GGNBP2: variants seen among roughly 807,000 people sequenced by gnomAD.
The protein encoded by GGNBP2 is gametogenetin binding protein 2, also known as gametogenetin-binding protein 2.
In GGNBP2, 10 loss-of-function variants were observed where a neutral mutation model predicts 85.9. That is an observed-to-expected ratio of 0.12 (90% CI 0.07 to 0.20). GGNBP2 has a LOEUF of 0.20. GGNBP2 is among the 10% of genes least tolerant of loss of function. The pLI, the probability that GGNBP2 is intolerant of heterozygous loss-of-function variation, is 1.00. For missense variants in GGNBP2, 595 were observed against 857.8 expected (o/e 0.69, Z 3.83); for synonymous variants, 287 against 285.7 (o/e 1.00, Z -0.05).
At chr17:36,578,857 A>G (rs2074617225) in intron 7 of GGNBP2, 1 of 162,610 alleles carries the variant, frequency 6.1e-6, no homozygotes, top group Non-Finnish European at 1.3e-5. Context: ...TCACTTTGGC[A>G]TTGCCTTTCT....
intron 6 of GGNBP2, among the ~76,000 whole-genome samples, chr17:36,568,994 C>T (rs1339852918): frequency 1.3e-5 from 2 of 152,044 alleles, no homozygotes; most frequent in African/African-American, 4.8e-5. Flanking sequence ...GACTTGTGAT[C>T]CGCTCTCCTC....
chr17:36,554,647 A>C (rs1008702703), intron 2 of GGNBP2, among the ~76,000 whole-genome samples, 173 bp from the exon 3 acceptor site: 3 of 151,824 alleles, frequency 2.0e-5, no homozygotes, highest in Non-Finnish European at 4.4e-5. Context: ...AAGTGCTGGG[A>C]TTATAGGTGT....
intron 6 of GGNBP2, among the ~76,000 whole-genome samples, chr17:36,573,434 A>G (rs2142753566): frequency 6.6e-6 from 1 of 152,302 alleles, no homozygotes; most frequent in South Asian, 2.1e-4. Context: ...ACATTGATGG[A>G]CATTGAAGGT....
intron 4 of GGNBP2, among the ~76,000 whole-genome samples, chr17:36,557,568 A>G (rs772913272): frequency 7.9e-5 from 12 of 152,140 alleles, no homozygotes; most frequent in Non-Finnish European, 1.5e-4. Flanking sequence ...TAAGGGAGGT[A>G]GAGAATGGAG....
chr17:36,574,587 T>G, intron 6 of GGNBP2: 1 of 535,902 alleles, frequency 1.9e-6, no homozygotes, highest in Non-Finnish European at 3.2e-6. Context: ...AGGTCGGGGG[T>G]CAGGTAGCTG....
intron 4 of GGNBP2, 79 bp downstream of exon 4, chr17:36,557,415 A>T (rs1366622610): frequency 1.7e-6 from 2 of 1,197,924 alleles, no homozygotes; most frequent in Non-Finnish European, 2.4e-6. Flanking sequence ...TATTTTCTTG[A>T]TGGAAAGATT....
At position 36,570,701 on chromosome 17, in the gene GGNBP2, T is replaced by G. The variant is rs535595874; in HGVS notation, c.641+2925T>G. Among the ~76,000 whole-genome samples, 3 of 150,662 alleles carry G rather than the reference T, an allele frequency of 2.0e-5. 1 individual carries two copies. Among genetic ancestry groups the G allele is most frequent in the Admixed American group, 2.0e-4 (3 of 15,082 alleles). On this transcript the variant is annotated intron_variant, in intron 6 of 13. Transcript: ENST00000613102. ...CTGGGCAACAAGAGTGAAACTTCGT[T>G]CCCAAAAAAACAACAACAAAAAAAG... is the stretch of plus-strand genomic sequence containing the variant.
At chr17:36,565,959 T>G (rs1324318342) in intron 5 of GGNBP2, among the ~76,000 whole-genome samples, 1 of 152,214 alleles carries the variant, frequency 6.6e-6, no homozygotes, top group Non-Finnish European at 1.5e-5. Context: ...AGATGATGTT[T>G]TTGTTGTCAC....
intron 9 of GGNBP2, chr17:36,581,899 A>T (rs1465361068): frequency 6.5e-6 from 1 of 153,830 alleles, no homozygotes; most frequent in Admixed American, 6.5e-5. Context: ...TATTTCTGAG[A>T]CAGGGTCTCA....
chr17:36,567,273 T>G (rs1337534107), intron 5 of GGNBP2, among the ~76,000 whole-genome samples: 9 of 152,192 alleles, frequency 5.9e-5, no homozygotes, highest in Admixed American at 5.9e-4. Context: ...TATAAAGATA[T>G]GAGCACACAT....
intron 2 of GGNBP2, among the ~76,000 whole-genome samples, chr17:36,549,542 T>A (rs2074288684): frequency 6.6e-6 from 1 of 152,232 alleles, no homozygotes; most frequent in Non-Finnish European, 1.5e-5. Context: ...GAAAAATAAC[T>A]ACAAAACAAA....
At chr17:36,574,127 T>C (rs1555607298) in intron 6 of GGNBP2, among the ~76,000 whole-genome samples, 1 of 152,226 alleles carries the variant, frequency 6.6e-6, no homozygotes, top group Admixed American at 6.5e-5. Flanking sequence ...TGCATAGTCA[T>C]GTGCTATGTG....
At chr17:36,564,147 A>G (rs925284400) in intron 5 of GGNBP2, among the ~76,000 whole-genome samples, 103 of 152,216 alleles carry the variant, frequency 6.8e-4, no homozygotes, top group Non-Finnish European at 1.2e-3. Flanking sequence ...TCTGACTCTA[A>G]ATGCAGAGTA....
intron 6 of GGNBP2, among the ~76,000 whole-genome samples, chr17:36,575,648 A>ATATATATATTT (rs374366757): frequency 1.2e-3 from 65 of 54,890 alleles, no homozygotes; most frequent in African/African-American, 1.3e-3. Context: ...ATATATATAT[A>ATATATATATTT]TTTTTTTTTT....
At chr17:36,566,558 G>A (rs567198602) in intron 5 of GGNBP2, among the ~76,000 whole-genome samples, 4 of 151,898 alleles carry the variant, frequency 2.6e-5, no homozygotes, top group South Asian at 4.2e-4. Flanking sequence ...ACACGCCTAT[G>A]GTCCTAGCTA....
intron 6 of GGNBP2, among the ~76,000 whole-genome samples, chr17:36,568,654 C>T (rs1469523778): frequency 6.6e-6 from 1 of 152,290 alleles, no homozygotes; most frequent in African/African-American, 2.4e-5. Context: ...AGTATTTCTT[C>T]TGTCATTATC....
Position 36,581,516 on chromosome 17 carries a change from A to T in GGNBP2, c.1193A>T (p.Glu398Val). Residue 398 changes from glutamate to valine, a missense_variant, in exon 9 of 14, where the codon GAA becomes GTA. Glu to Val is a moderately radical substitution (Grantham distance 121, BLOSUM62 -2). Around this residue, in one of 9 missense-constraint regions of GGNBP2, gnomAD observed 85 missense variants for 92.6 expected, o/e 0.92. Transcript: ENST00000613102. ...DIPTPLQTAD[E>V]KEVSQEKETD... The stretch of plus-strand genomic sequence containing the variant: ...CCTACTCCCTTACAAACAGCAGATG[A>T]AAAGGAAGTAAGCCAAGAGAAGGTA... 1 of 1,608,316 alleles carries T rather than the reference A, an allele frequency of 6.2e-7. No homozygotes were observed. Among genetic ancestry groups the T allele is most frequent in the Non-Finnish European group, 8.5e-7 (1 of 1,177,580 alleles).
chr17:36,554,352 A>ATTTTTTT (rs780217291), intron 2 of GGNBP2, among the ~76,000 whole-genome samples: 26 of 44,508 alleles, frequency 5.8e-4, no homozygotes, highest in East Asian at 9.9e-4. Context: ...ATGTACTTGA[A>ATTTTTTT]TTTTTTTTTT....
intron 3 of GGNBP2, among the ~76,000 whole-genome samples, chr17:36,555,541 A>C (rs1222250377): frequency 1.3e-5 from 2 of 152,138 alleles, no homozygotes; most frequent in Non-Finnish European, 2.9e-5. Flanking sequence ...AGAAAATGCA[A>C]AAAAGTTGGG....
Sources: allele counts gnomAD v4.1 joint callset (sites outside exome capture counted in the v4.1 genomes callset), GRCh38; gene constraint gnomAD v4.1.1; regional missense constraint gnomAD v4.1.1; transcripts MANE v1.5; gene names NCBI Gene and HGNC (gene_info 2026-07-23, HGNC 2026-07-21).